The following COL3A1 variants were observed in gnomAD, a reference collection of about 807,000 sequenced individuals.
COL3A1 encodes collagen alpha-1(III) chain.
A neutral mutation model predicts 200.9 loss-of-function variants in COL3A1; 46 were observed. The ratio of observed to expected loss-of-function variants is 0.23; its 90% CI spans 0.18 to 0.29. COL3A1 has a LOEUF of 0.29. COL3A1 is among the 10% of genes least tolerant of loss of function. The pLI, the probability that COL3A1 is intolerant of heterozygous loss-of-function variation, is 1.00. For missense variants in COL3A1, 1,367 were observed against 1,917.6 expected (o/e 0.71, Z 5.36); for synonymous variants, 650 against 628.0 (o/e 1.03, Z -0.52).
intron 25 of COL3A1, 43 bp downstream of exon 25, chr2:188,997,261 G>T: frequency 6.2e-7 from 1 of 1,613,112 alleles, no homozygotes; most frequent in Non-Finnish European, 8.5e-7. Flanking sequence ...TCTAATAGAT[G>T]CGTTCATCTC....
At chr2:188,986,303 C>T (rs1688063059) in intron 4 of COL3A1, among the ~76,000 whole-genome samples, 1 of 152,028 alleles carries the variant, frequency 6.6e-6, no homozygotes, top group African/African-American at 2.4e-5. Flanking sequence ...GCAGGTAAAA[C>T]AACCAAACAA....
At chr2:189,001,311 A>G (rs1688456386) in intron 32 of COL3A1, 86 bp from the exon 33 acceptor site, 10 of 1,242,894 alleles carry the variant, frequency 8.0e-6, no homozygotes, top group Non-Finnish European at 1.1e-5. Context: ...TTTATTAGGT[A>G]TCTATGTCTA....
In COL3A1 at chr2:189,010,357, G is replaced by T. The variant is rs751807135; in HGVS notation, c.4003G>T (p.Gly1335Cys). ...TTGGTTTGGAGAGTCCATGGATGGT[G>T]GTTTTCAGGTAGGAAAGGATATACC... is the stretch of plus-strand genomic sequence containing the variant. ...HVWFGESMDG[G>C]FQFSYGNPEL... Residue 1335 changes from glycine (G) to cysteine (C), a missense_variant, in exon 49 of 51, where the codon GGT becomes TGT. By Grantham distance (159) the Gly-to-Cys change is radical. Coordinates refer to ENST00000304636, the MANE Select transcript of COL3A1 (RefSeq NM_000090.4). The T allele has an allele frequency of 6.2e-7, 1 of 1,614,078 alleles. No individual in the cohort carries two copies. Among genetic ancestry groups the T allele is most frequent in the South Asian group, 1.1e-5 (1 of 91,086 alleles).
Position 189,006,449 on chromosome 2 carries a change from A to C in COL3A1, c.3198A>C (p.Glu1066Asp). The C allele has an allele frequency of 1.2e-6, 2 of 1,613,992 alleles. No homozygotes were observed. The highest frequency in any genetic ancestry group is 2.7e-5 in the African/African-American group (2 of 75,022). The change falls in exon 43 of 51, where the codon GAA becomes GAC. Residue 1066 changes from glutamate to aspartate, a missense_variant. Transcript: ENST00000304636. ...GPAGKSGDRG[E>D]SGPAGPAGAP... Reference sequence around the variant, plus strand: ...CTGGAAAGAGTGGTGACAGAGGAGAAAGTGTGAGTTCCCAAAAGCAGCATC... The same window carrying C: ...CTGGAAAGAGTGGTGACAGAGGAGACAGTGTGAGTTCCCAAAAGCAGCATC...
chr2:188,983,645 C>T (rs973581107), intron 1 of COL3A1, among the ~76,000 whole-genome samples: 1 of 151,906 alleles, frequency 6.6e-6, no homozygotes. Context: ...TTTTGAACTA[C>T]TTGCCTACTC....
chr2:188,991,470 AT>A lies in COL3A1; in HGVS notation c.853-13del. ...TTCCTCTTTTGTAAAATAGTAACATATTTTATATGTATCTAGGGTGAAAATG... is the reference window on the plus strand; with the variant it reads ...TTCCTCTTTTGTAAAATAGTAACATATTTATATGTATCTAGGGTGAAAATG... On this transcript the variant is annotated splice_polypyrimidine_tract_variant and intron_variant, in intron 11 of 50. Coordinates refer to ENST00000304636, the MANE Select transcript of COL3A1 (RefSeq NM_000090.4). 1.9e-6 allele frequency: 3 copies of A among 1,559,946 alleles called. No individual in the cohort carries two copies. Among genetic ancestry groups the A allele is most frequent in the South Asian group, 1.2e-5 (1 of 86,824 alleles).
intron 4 of COL3A1, among the ~76,000 whole-genome samples, 188 bp from the exon 5 acceptor site, chr2:188,986,871 A>G (rs1165293636): frequency 6.6e-6 from 1 of 152,122 alleles, no homozygotes; most frequent in Admixed American, 6.6e-5. Flanking sequence ...ATGCTTCTGT[A>G]GGATATCTAA....
At chr2:188,995,867 G>A in intron 22 of COL3A1, 77 bp downstream of exon 22, 3 of 1,269,150 alleles carry the variant, frequency 2.4e-6, no homozygotes, top group Non-Finnish European at 3.4e-6. Flanking sequence ...CAGATCAAAA[G>A]CAACTTAAAT....
At chr2:188,974,978 A>G (rs926710900) in intron 1 of COL3A1, among the ~76,000 whole-genome samples, 1 of 152,202 alleles carries the variant, frequency 6.6e-6, no homozygotes, top group South Asian at 2.1e-4. Flanking sequence ...AATATTGAGC[A>G]TTGTTTTCTG....
chr2:188,975,025 A>G (rs1165140330), intron 1 of COL3A1, among the ~76,000 whole-genome samples: 4 of 152,222 alleles, frequency 2.6e-5, no homozygotes, highest in African/African-American at 4.8e-5. Context: ...GATTAAGAAC[A>G]GTCTAAAGGA....
At position 189,012,112 on chromosome 2, in the gene COL3A1, C is replaced by T. The variant is rs576933287; in HGVS notation, c.*338C>T. ...CCATCTGCAGAGCAATGACTGTGCT[C>T]ACCAGTAAAAGATAACCTTTCTTTC... On this transcript the variant is annotated 3_prime_UTR_variant, in exon 51 of 51. Transcript: ENST00000304636. The T allele has an allele frequency of 7.8e-6, 2 of 255,432 alleles. No individual in the cohort carries two copies. The highest frequency in any genetic ancestry group is 2.3e-5 in the African/African-American group (1 of 43,974). The allele number at this position is 255,432 out of a possible 1,614,324, so 15.8% of individuals were successfully genotyped here. A position where few individuals can be genotyped will look rare whatever the true frequency, so the allele number is the denominator to read the frequency against.
chr2:189,004,139 C>A lies in COL3A1; in HGVS notation c.2819C>A (p.Pro940Gln), dbSNP rs1221479337. The change falls in exon 39 of 51, where the codon CCA (proline) becomes CAA (glutamine). Residue 940 changes from proline to glutamine, a missense_variant. This residue lies in a region of COL3A1 where 846 missense variants were observed against 1,147.9 expected (regional missense o/e 0.74). Transcript: ENST00000304636. ...GEKGSPGAQG[P>Q]PGAPGPLGIA... ...AAGGGATCGCCTGGTGCCCAGGGCC[C>A]ACCAGTAAGTAACTTCATTTTTTTA... 8.7e-6 allele frequency: 14 copies of A among 1,613,962 alleles called. No individual in the cohort carries two copies. The highest frequency in any genetic ancestry group is 1.1e-5 in the Non-Finnish European group (13 of 1,180,002).
At chr2:188,975,239 C>T (rs1340378102) in intron 1 of COL3A1, among the ~76,000 whole-genome samples, 1 of 152,158 alleles carries the variant, frequency 6.6e-6, no homozygotes. Context: ...TACGTTTTAA[C>T]CACATTCGCA....
At chr2:189,003,929 GA>G (rs1411909882) in intron 38 of COL3A1, 52 bp from the exon 39 acceptor site, 23 of 1,565,470 alleles carry the variant, frequency 1.5e-5, no homozygotes, top group Non-Finnish European at 1.9e-5. Context: ...AAAAAAGAAA[GA>G]AAAAATGCAC....
chr2:189,008,246 T>C, intron 47 of COL3A1, 104 bp downstream of exon 47: 1 of 933,056 alleles, frequency 1.1e-6, no homozygotes, highest in Non-Finnish European at 1.7e-6. Context: ...ACGCAATGCA[T>C]CCACTCAATT....
At chr2:188,986,719 T>C (rs1186678428) in intron 4 of COL3A1, among the ~76,000 whole-genome samples, 1 of 152,058 alleles carries the variant, frequency 6.6e-6, no homozygotes, top group African/African-American at 2.4e-5. Flanking sequence ...GAGACTCTTT[T>C]GGCCTCAAAC....
chr2:188,999,938 C>A, intron 32 of COL3A1, 43 bp downstream of exon 32: 1 of 1,549,578 alleles, frequency 6.5e-7, no homozygotes, highest in South Asian at 1.2e-5. Context: ...ATCTATATGT[C>A]ATATGGGACA....
intron 1 of COL3A1, among the ~76,000 whole-genome samples, chr2:188,976,610 T>A (rs1687823000): frequency 6.6e-6 from 1 of 152,130 alleles, no homozygotes; most frequent in Non-Finnish European, 1.5e-5. Flanking sequence ...CATAAAGTTC[T>A]GGGGTGGGGT....
chr2:188,992,649 C>T lies in COL3A1; in HGVS notation c.997-238C>T, dbSNP rs76879012. Among the ~76,000 whole-genome samples, 842 of 152,154 alleles carry T rather than the reference C, an allele frequency of 5.5e-3. 7 individuals carry two copies. The highest frequency in any genetic ancestry group is 0.02 in the African/African-American group (818 of 41,506). On this transcript the variant is annotated intron_variant, in intron 14 of 50. Transcript: ENST00000304636. ...AGTACAAAAGCCCAGGGAAAAGTAG[C>T]CTGCACTAAGTCACAGAATTCATGG...
Sources: allele counts gnomAD v4.1 joint callset (sites outside exome capture counted in the v4.1 genomes callset), GRCh38; gene constraint gnomAD v4.1.1; regional missense constraint gnomAD v4.1.1; transcripts MANE v1.5; gene names NCBI Gene and HGNC (gene_info 2026-07-23, HGNC 2026-07-21).